The following NSF variants were observed in gnomAD, a reference collection of about 807,000 sequenced individuals.
NSF encodes N-ethylmaleimide sensitive factor, vesicle fusing ATPase, also known as vesicle-fusing ATPase.
In NSF, 14 loss-of-function variants were observed where a neutral mutation model predicts 50.3. The observed-to-expected ratio is 0.28, with a 90% CI of 0.18 to 0.44. The LOEUF is 0.44. Ranked by LOEUF, NSF falls within the 20% of genes least tolerant of loss-of-function variation. The probability of loss-of-function intolerance (pLI) is 1.00; values close to 1 mark genes in which losing one functional copy is unlikely to be tolerated. For missense variants in NSF, 218 were observed against 504.3 expected (o/e 0.43, Z 5.44); for synonymous variants, 109 against 175.7 (o/e 0.62, Z 3.00).
chr17:46,705,405 A>G (rs2058649210), intron 13 of NSF, among the ~76,000 whole-genome samples: 1 of 151,942 alleles, frequency 6.6e-6, no homozygotes, highest in Admixed American at 6.6e-5. Context: ...CGCACTCAAA[A>G]TGGTCATAGT....
At chr17:46,743,225 C>G (rs1224321054) in intron 17 of NSF, among the ~76,000 whole-genome samples, 3 of 152,158 alleles carry the variant, frequency 2.0e-5, no homozygotes, top group Admixed American at 6.5e-5. Flanking sequence ...GCTGCCAGTG[C>G]CCTGTGTTTG....
chr17:46,605,681 T>TA (rs1214554545), intron 1 of NSF, among the ~76,000 whole-genome samples: 3 of 62,034 alleles, frequency 4.8e-5, no homozygotes, highest in African/African-American at 7.6e-5. Context: ...AAACCTTCCC[T>TA]ACTAGTGGAA....
At chr17:46,724,802 C>T (rs918526632) in intron 15 of NSF, among the ~76,000 whole-genome samples, 1 of 152,072 alleles carries the variant, frequency 6.6e-6, no homozygotes, top group African/African-American at 2.4e-5. Context: ...GGCAGCACTC[C>T]AAGACTCAAT....
intron 19 of NSF, among the ~76,000 whole-genome samples, chr17:46,752,488 C>T (rs2059191104): frequency 6.6e-6 from 1 of 152,182 alleles, no homozygotes. Context: ...CAGGGTCTCG[C>T]TCTGTCTCCC....
In NSF at chr17:46,738,613, G is replaced by A. The variant is rs533843192; in HGVS notation, c.1908+9679G>A. 9.2e-5 allele frequency among the ~76,000 whole-genome samples: 14 copies of A among 152,304 alleles called. No homozygotes were observed. The South Asian group carries it at 2.9e-3, about 32-fold the overall frequency. ...TCCTGGTGCCTGTTAGGTAGATACG[G>A]TGTGCCCTGTTTGTTGAGTTTTTTG... On this transcript the variant is annotated intron_variant, in intron 17 of 20. Transcript: ENST00000398238.
rs1043881788 is a variant in NSF, at chr17:46,609,882, G to A, written c.13-14362G>A. 5.0e-5 allele frequency among the ~76,000 whole-genome samples: 7 copies of A among 140,234 alleles called. 1 individual carries two copies. Among genetic ancestry groups the A allele is most frequent in the African/African-American group, 1.8e-4 (7 of 38,166 alleles). The allele number at this position is 140,234 out of a possible 152,430, so 92.0% of individuals were successfully genotyped here. A position where few individuals can be genotyped will look rare whatever the true frequency, so the allele number is the denominator to read the frequency against. On this transcript the variant is annotated intron_variant, in intron 1 of 20. Coordinates refer to ENST00000398238, the MANE Select transcript of NSF (RefSeq NM_006178.4). ...ACTTTGTCACCCAGTCTGGAATGCA[G>A]TGGCGTGATCAGGGCTCCCTGTAGC...
chr17:46,667,360 G>T (rs1026948611), intron 8 of NSF, among the ~76,000 whole-genome samples: 3 of 145,264 alleles, frequency 2.1e-5, no homozygotes, highest in Non-Finnish European at 4.5e-5. Context: ...TTATTTAACA[G>T]AAAACACTGT....
Position 46,709,564 on chromosome 17 carries a change from G to A in NSF, c.1471-1399G>A, listed in dbSNP as rs183950723. ...GGCTGGAGTGCAGTGGCGTGATCTC[G>A]GCTCACTGCAACCTCCGCCTCCCGG... On this transcript the variant is annotated intron_variant, in intron 13 of 20. Coordinates refer to ENST00000398238, the MANE Select transcript of NSF (RefSeq NM_006178.4). Among the ~76,000 whole-genome samples, 302 of 151,460 alleles carry A rather than the reference G, an allele frequency of 2.0e-3. 1 individual carries two copies. In the East Asian group the frequency reaches 0.023, roughly 12 times the overall value.
intron 17 of NSF, among the ~76,000 whole-genome samples, chr17:46,738,298 T>C (rs907661934): frequency 3.3e-5 from 5 of 152,150 alleles, no homozygotes; most frequent in African/African-American, 4.8e-5. Context: ...TGTGTACTTA[T>C]CTTAGGCTTC....
intron 17 of NSF, among the ~76,000 whole-genome samples, chr17:46,737,914 T>C: frequency 4.7e-4 from 3 of 6,372 alleles, no homozygotes; most frequent in Middle Eastern, 0.33. Flanking sequence ...TAGCATATTA[T>C]TATTATTATT....
intron 9 of NSF, among the ~76,000 whole-genome samples, chr17:46,679,622 G>A (rs1266899214): frequency 1.4e-5 from 2 of 138,888 alleles, no homozygotes; most frequent in Non-Finnish European, 3.1e-5. Context: ...AACCCGGGAG[G>A]CGGAGATTGC....
chr17:46,726,668 C>A, intron 16 of NSF, 53 bp downstream of exon 16: 1 of 1,454,352 alleles, frequency 6.9e-7, no homozygotes, highest in Non-Finnish European at 9.7e-7. Flanking sequence ...CAGCTAATAT[C>A]TCAAAAGTTA....
At chr17:46,627,736 A>G (rs2058108499) in intron 3 of NSF, among the ~76,000 whole-genome samples, 1 of 136,494 alleles carries the variant, frequency 7.3e-6, no homozygotes. Context: ...GGGTGCAATG[A>G]CTCATGCTGG....
At chr17:46,753,289 C>T (rs1377146429) in intron 19 of NSF, among the ~76,000 whole-genome samples, 3 of 152,194 alleles carry the variant, frequency 2.0e-5, no homozygotes, top group African/African-American at 7.2e-5. Context: ...TTCACAGTTA[C>T]ATCTGAAATA....
Position 46,619,783 on chromosome 17 carries a change from A to AC in NSF, c.13-4461_13-4460insC, listed in dbSNP as rs1286346351. On this transcript the variant is annotated intron_variant, in intron 1 of 20. Coordinates refer to ENST00000398238, the MANE Select transcript of NSF (RefSeq NM_006178.4). ...CAAGACTCCATCTAAAAAAAAAAAA[A>AC]AAAAAAAAAAAAACCCAGAAAGTAA... Among the ~76,000 whole-genome samples, 4 of 88,122 alleles carry AC rather than the reference A, an allele frequency of 4.5e-5. 1 individual carries two copies. Among genetic ancestry groups the AC allele is most frequent in the East Asian group, 1.1e-3 (2 of 1,794 alleles). The allele number at this position is 88,122 out of a possible 152,430, so 57.8% of individuals were successfully genotyped here.
intron 1 of NSF, among the ~76,000 whole-genome samples, chr17:46,610,304 T>G (rs2058005113): frequency 1.4e-5 from 1 of 70,118 alleles, no homozygotes; most frequent in Non-Finnish European, 3.0e-5. Context: ...AACTGGAATC[T>G]CAGCTGTCTT....
rs1446579114 is a variant in NSF, at chr17:46,708,822, A to T, written c.1471-2141A>T. On this transcript the variant is annotated intron_variant, in intron 13 of 20. Coordinates refer to ENST00000398238, the MANE Select transcript of NSF (RefSeq NM_006178.4). ...ATTTATTTTATATATATATATATAT[A>T]TTTTTTTTTTTTTTTTTTTTTGAGA... Among the ~76,000 whole-genome samples the T allele has an allele frequency of 4.5e-3, 493 of 108,850 alleles. 11 individuals are homozygous for T. Among genetic ancestry groups the T allele is most frequent in the African/African-American group, 0.014 (376 of 26,526 alleles). The allele number at this position is 108,850 out of a possible 152,430, so 71.4% of individuals were successfully genotyped here.
At chr17:46,741,122 C>A (rs1269752891) in intron 17 of NSF, among the ~76,000 whole-genome samples, 2 of 152,070 alleles carry the variant, frequency 1.3e-5, no homozygotes, top group East Asian at 3.8e-4. Context: ...AGCAATGAGG[C>A]CTGAACTGTA....
At chr17:46,752,161 G>A (rs939742397) in intron 19 of NSF, among the ~76,000 whole-genome samples, 2 of 152,206 alleles carry the variant, frequency 1.3e-5, no homozygotes, top group African/African-American at 4.8e-5. Flanking sequence ...CTACTGTAGG[G>A]TTGAAGCATC....
Sources: gnomAD v4.1 joint callset for allele counts (sites outside exome capture counted in the v4.1 genomes callset) on GRCh38, gnomAD v4.1.1 for gene constraint, MANE v1.5 for transcripts, NCBI Gene and HGNC (gene_info 2026-07-23, HGNC 2026-07-21) for gene names.